Variants in PDE1C observed in about 807,000 individuals in gnomAD.
PDE1C encodes the protein phosphodiesterase 1C.
In PDE1C, 62 loss-of-function variants were observed where a neutral mutation model predicts 93.1. That is an observed-to-expected ratio of 0.67 (90% CI 0.54 to 0.82). The LOEUF is 0.82. Ranked by LOEUF, PDE1C falls within the 40% of genes least tolerant of loss-of-function variation. The pLI is 0.00. For missense variants in PDE1C, 742 were observed against 884.6 expected (o/e 0.84, Z 2.04); for synonymous variants, 325 against 310.1 (o/e 1.05, Z -0.50).
At chr7:31,789,133 AC>A (rs1388611573) in intron 16 of PDE1C, 1 of 152,078 alleles carries the variant, frequency 6.6e-6, no homozygotes, top group Non-Finnish European at 1.5e-5. Flanking sequence ...ACCAATAACC[AC>A]ATTTTAAGAA....
At chr7:31,637,427 G>T in the PDE1C span, among the ~76,000 whole-genome samples, 351 of 151,918 alleles carry the variant, frequency 2.3e-3, no homozygotes, top group African/African-American at 7.5e-3. Context: ...ATGATCGCCA[G>T]TCTAACTGGT....
intron 16 of PDE1C, chr7:31,784,525 G>A (rs1270809379): frequency 6.6e-6 from 1 of 151,884 alleles, no homozygotes; most frequent in Non-Finnish European, 1.5e-5. Flanking sequence ...ATTATTTTGT[G>A]TTTGTACGTG....
chr7:31,642,636 C>T, the PDE1C span: 18 of 1,549,366 alleles, frequency 1.2e-5, no homozygotes, highest in Non-Finnish European at 1.1e-5. Context: ...CCTATTGCCT[C>T]CTCCACTTCC....
At chr7:32,051,494 C>T (rs1399590496) in intron 2 of PDE1C, 60 bp downstream of exon 2, 3 of 1,545,184 alleles carry the variant, frequency 1.9e-6, no homozygotes, top group Non-Finnish European at 2.7e-6. Context: ...ATGAGCCAGA[C>T]TTGTGAAGAG....
the PDE1C span, among the ~76,000 whole-genome samples, chr7:31,735,820 G>T: frequency 1.4e-4 from 22 of 152,126 alleles, no homozygotes; most frequent in South Asian, 4.4e-3. Flanking sequence ...TTGTATATAC[G>T]GTCATCCCTC....
chr7:31,754,795 G>A (rs769763995), intron 17 of PDE1C, among the ~76,000 whole-genome samples: 3 of 152,162 alleles, frequency 2.0e-5, no homozygotes, highest in South Asian at 2.1e-4. Context: ...TGAAACTCTC[G>A]CATACAATAC....
chr7:32,117,629 C>G lies in PDE1C; in HGVS notation c.308+52156G>C, dbSNP rs542923360. ...CATATACACATGTGCATACCAGGAT[C>G]TACATTAATGTCCCCTCTTTCATTC... On this transcript the variant is annotated intron_variant, in intron 3 of 18. Coordinates refer to the PDE1C transcript ENST00000396193. Among the ~76,000 whole-genome samples the G allele has an allele frequency of 5.3e-5, 8 of 152,318 alleles. No homozygotes were observed. The South Asian group carries it at 1.7e-3, about 32-fold the overall frequency.
At chr7:31,867,665 C>A (rs946963933) in intron 6 of PDE1C, among the ~76,000 whole-genome samples, 2 of 152,174 alleles carry the variant, frequency 1.3e-5, no homozygotes, top group South Asian at 2.1e-4. Context: ...GACTGAGAAG[C>A]CCCCAATCCA....
intron 11 of PDE1C, among the ~76,000 whole-genome samples, chr7:31,831,424 C>T (rs1790373041): frequency 6.6e-6 from 1 of 151,652 alleles, no homozygotes; most frequent in Non-Finnish European, 1.5e-5. Flanking sequence ...AGAGGCTAGG[C>T]AGAGAATAGA....
intron 2 of PDE1C, among the ~76,000 whole-genome samples, chr7:32,017,712 G>A (rs1788095550): frequency 6.6e-6 from 1 of 151,998 alleles, no homozygotes. Context: ...TTCCTTCAAG[G>A]AAAATACACA....
At chr7:32,341,300 C>T (rs58219938) in intron 1 of PDE1C, among the ~76,000 whole-genome samples, 17,819 of 146,602 alleles carry the variant, frequency 0.12, 1,484 homozygotes, top group East Asian at 0.36. Context: ...CTCAGCCTCC[C>T]GAGTAGCTGG....
At chr7:32,297,093 G>T (rs1812642426) in intron 1 of PDE1C, among the ~76,000 whole-genome samples, 1 of 152,184 alleles carries the variant, frequency 6.6e-6, no homozygotes, top group African/African-American at 2.4e-5. Context: ...TCTCAATGCT[G>T]TGTTGAGGGA....
intron 1 of PDE1C, among the ~76,000 whole-genome samples, chr7:32,264,080 G>T (rs1810407777): frequency 6.6e-6 from 1 of 152,004 alleles, no homozygotes; most frequent in African/African-American, 2.4e-5. Flanking sequence ...GATGATTCTT[G>T]CCTGATCTGA....
At chr7:32,266,558 G>A (rs906999619) in intron 1 of PDE1C, among the ~76,000 whole-genome samples, 10 of 152,150 alleles carry the variant, frequency 6.6e-5, no homozygotes, top group Admixed American at 6.5e-4. Flanking sequence ...TGAGGGAGAG[G>A]AATAAACAAC....
At chr7:32,364,883 G>C (rs766385710) in intron 1 of PDE1C, among the ~76,000 whole-genome samples, 3 of 152,216 alleles carry the variant, frequency 2.0e-5, no homozygotes, top group Admixed American at 6.5e-5. Context: ...TGTGACTCTG[G>C]TCCAGCACAG....
chr7:32,046,213 TA>T (rs1010966269), intron 2 of PDE1C, among the ~76,000 whole-genome samples: 75 of 147,020 alleles, frequency 5.1e-4, no homozygotes, highest in Admixed American at 6.1e-4. Context: ...GCCTTTTTTT[TA>T]AAAAAAAAAA....
At chr7:31,998,244 C>T (rs60210478) in intron 2 of PDE1C, among the ~76,000 whole-genome samples, 22,051 of 152,106 alleles carry the variant, frequency 0.14, 2,113 homozygotes, top group African/African-American at 0.28. Flanking sequence ...TGGTCTCGAT[C>T]TCCTGACCTC....
chr7:32,106,739 C>T lies in PDE1C; in HGVS notation c.308+63046G>A, dbSNP rs990624561. Among the ~76,000 whole-genome samples the T allele has an allele frequency of 3.3e-5, 5 of 152,140 alleles. No homozygotes were observed. The South Asian group carries it at 6.2e-4, about 19-fold the overall frequency. On this transcript the variant is annotated intron_variant, in intron 3 of 18. Coordinates refer to the PDE1C transcript ENST00000396193. The stretch of plus-strand genomic sequence containing the variant: ...AATTAGGCCTTAGAATTAGACTCTA[C>T]ATCAGTTCTTTTATCTGATACATCA...
At chr7:31,753,672 G>T (rs539620105) in intron 17 of PDE1C, 119 bp from the exon 18 acceptor site, 10 of 1,379,176 alleles carry the variant, frequency 7.3e-6, no homozygotes, top group Non-Finnish European at 8.6e-6. Context: ...CAGGAAAGAA[G>T]CAGTTTGGAT....
Sources: allele counts gnomAD v4.1 joint callset (sites outside exome capture counted in the v4.1 genomes callset), GRCh38; gene constraint gnomAD v4.1.1; transcripts MANE v1.5; gene names NCBI Gene and HGNC (gene_info 2026-07-23, HGNC 2026-07-21).